MDFIC2: variants seen among roughly 807,000 people sequenced by gnomAD.
MDFIC2 encodes the protein myoD family inhibitor domain-containing protein 2.
chr3:70,221,779 G>C (rs1002684401), intron 2 of MDFIC2, among the ~76,000 whole-genome samples: 1 of 152,100 alleles, frequency 6.6e-6, no homozygotes, highest in Non-Finnish European at 1.5e-5. Flanking sequence ...TGATTATATC[G>C]AGCATCATTG....
intron 2 of MDFIC2, among the ~76,000 whole-genome samples, chr3:70,276,035 A>G (rs1449010568): frequency 6.6e-6 from 1 of 152,152 alleles, no homozygotes; most frequent in Non-Finnish European, 1.5e-5. Flanking sequence ...AGAGCATTTC[A>G]AACTTTAAAA....
intron 2 of MDFIC2, among the ~76,000 whole-genome samples, chr3:70,297,185 G>T (rs1057282975): frequency 1.3e-5 from 2 of 152,096 alleles, no homozygotes; most frequent in Non-Finnish European, 2.9e-5. Context: ...ACTATTGGAT[G>T]ATTTAAATAA....
chr3:70,294,852 G>T (rs1448835878), intron 2 of MDFIC2, among the ~76,000 whole-genome samples: 2 of 152,100 alleles, frequency 1.3e-5, no homozygotes, highest in Non-Finnish European at 2.9e-5. Context: ...GTAGCAATTT[G>T]ATGGTATCCA....
chr3:70,267,161 G>C lies in MDFIC2; in HGVS notation c.88+44725C>G, dbSNP rs997937014. 3.9e-5 allele frequency among the ~76,000 whole-genome samples: 6 copies of C among 152,064 alleles called. No homozygotes were observed. In the East Asian group the frequency reaches 1.2e-3, roughly 29 times the overall value. On this transcript the variant is annotated intron_variant, in intron 2 of 3. Transcript: ENST00000567252. ...GCTTCTATTTTTATAAATTTTCTCTGATTGATTATGTAGGGATTTTATACT... is the reference window on the plus strand; with the variant it reads ...GCTTCTATTTTTATAAATTTTCTCTCATTGATTATGTAGGGATTTTATACT...
At chr3:70,289,307 C>T (rs1345604108) in intron 2 of MDFIC2, among the ~76,000 whole-genome samples, 3 of 151,344 alleles carry the variant, frequency 2.0e-5, no homozygotes, top group South Asian at 2.1e-4. Context: ...TTTATTTCTC[C>T]TTTGCTTATG....
chr3:70,218,344 C>A (rs1701433816), intron 2 of MDFIC2, among the ~76,000 whole-genome samples: 2 of 152,068 alleles, frequency 1.3e-5, no homozygotes. Flanking sequence ...TATATAGATG[C>A]ATATAGGCAT....
Position 70,267,512 on chromosome 3 carries a change from C to G in MDFIC2, c.88+44374G>C, listed in dbSNP as rs574995737. Among the ~76,000 whole-genome samples the G allele has an allele frequency of 1.6e-4, 24 of 148,000 alleles. No homozygotes were observed. The Admixed American group carries it at 1.6e-3, about 10-fold the overall frequency. ...CCGCCTCCTGGGCTCACGCCCTTCT[C>G]CTGCCTCAGCTTCCCGAGTAGCTGG... On this transcript the variant is annotated intron_variant, in intron 2 of 3. Transcript: ENST00000567252.
At chr3:70,233,652 C>G (rs890459089) in intron 2 of MDFIC2, among the ~76,000 whole-genome samples, 1 of 152,160 alleles carries the variant, frequency 6.6e-6, no homozygotes. Context: ...ATCCATGCAT[C>G]CCTCTACTTC....
intron 2 of MDFIC2, among the ~76,000 whole-genome samples, chr3:70,235,299 A>T (rs1214374205): frequency 6.6e-6 from 1 of 152,034 alleles, no homozygotes; most frequent in South Asian, 2.1e-4. Flanking sequence ...TGTACTAGAG[A>T]CTATAAATCC....
At chr3:70,218,756 GA>G (rs200153359) in intron 2 of MDFIC2, among the ~76,000 whole-genome samples, 56 of 151,640 alleles carry the variant, frequency 3.7e-4, no homozygotes, top group African/African-American at 1.3e-3. Flanking sequence ...ACAATAAATA[GA>G]AAAAAAAATT....
intron 2 of MDFIC2, among the ~76,000 whole-genome samples, chr3:70,297,968 C>T (rs1259209524): frequency 6.6e-6 from 1 of 151,836 alleles, no homozygotes; most frequent in Non-Finnish European, 1.5e-5. Flanking sequence ...ATTCCTGCTA[C>T]TTAAATAATC....
intron 2 of MDFIC2, among the ~76,000 whole-genome samples, chr3:70,289,893 C>T (rs1470401800): frequency 6.6e-6 from 1 of 151,932 alleles, no homozygotes; most frequent in Non-Finnish European, 1.5e-5. Flanking sequence ...GTTCTCGAGC[C>T]TTGGTTTTCA....
intron 2 of MDFIC2, among the ~76,000 whole-genome samples, chr3:70,257,390 T>C (rs904868340): frequency 1.3e-5 from 2 of 152,150 alleles, no homozygotes; most frequent in African/African-American, 4.8e-5. Context: ...TCATTTCTTT[T>C]GCAGAGAACC....
chr3:70,221,781 G>A (rs1191366956), intron 2 of MDFIC2, among the ~76,000 whole-genome samples: 1 of 152,130 alleles, frequency 6.6e-6, no homozygotes, highest in Admixed American at 6.5e-5. Flanking sequence ...ATTATATCGA[G>A]CATCATTGTT....
intron 2 of MDFIC2, among the ~76,000 whole-genome samples, chr3:70,289,186 A>C (rs1445138046): frequency 2.0e-5 from 3 of 149,978 alleles, no homozygotes; most frequent in African/African-American, 7.3e-5. Context: ...ATGATTTTGC[A>C]GCGGCTGGTA....
Position 70,206,622 on chromosome 3 carries a change from G to A in MDFIC2, c.257C>T (p.Thr86Ile), listed in dbSNP as rs747812317. 74 of 397,836 alleles carry A rather than the reference G, an allele frequency of 1.9e-4. 1 individual carries two copies. The Middle Eastern group carries it at 2.5e-3, about 14-fold the overall frequency. 24.6% of individuals were successfully genotyped at this position (397,836 alleles called of 1,614,324 possible). A position where few individuals can be genotyped will look rare whatever the true frequency, so the allele number is the denominator to read the frequency against. Reference protein sequence around the residue: ...TSLSSLEECQTTFSYLQTDTS... With the variant: ...TSLSSLEECQITFSYLQTDTS... ...ATCAGTTTGGAGGTAAGAAAATGTTGTTTGGCATTCTTCAAGGGAGGACAG... is the reference window on the plus strand; with the variant it reads ...ATCAGTTTGGAGGTAAGAAAATGTTATTTGGCATTCTTCAAGGGAGGACAG... Residue 86 changes from threonine (T) to isoleucine (I), a missense_variant, in exon 3 of 4, where the codon ACA (threonine) becomes ATA (isoleucine). By Grantham distance (89) the Thr-to-Ile change is moderately conservative. Coordinates refer to ENST00000567252, the MANE Select transcript of MDFIC2 (RefSeq NM_001364677.1).
intron 2 of MDFIC2, among the ~76,000 whole-genome samples, chr3:70,259,749 A>T (rs4611783): frequency 0.094 from 14,302 of 152,248 alleles, 927 homozygotes; most frequent in East Asian, 0.23. Flanking sequence ...TTGTTGTATT[A>T]GTCTGTTTTC....
intron 2 of MDFIC2, among the ~76,000 whole-genome samples, chr3:70,208,256 G>C (rs1411879686): frequency 6.6e-6 from 1 of 152,152 alleles, no homozygotes; most frequent in South Asian, 2.1e-4. Flanking sequence ...CGCAATGCCT[G>C]GTTGGTTCAA....
intron 2 of MDFIC2, among the ~76,000 whole-genome samples, chr3:70,227,120 G>GT (rs951229781): frequency 1.4e-4 from 21 of 152,234 alleles, no homozygotes; most frequent in African/African-American, 5.1e-4. Flanking sequence ...TAACTCCTGT[G>GT]TAAGATACTT....
Sources: allele counts gnomAD v4.1 joint callset (sites outside exome capture counted in the v4.1 genomes callset), GRCh38; gene constraint gnomAD v4.1.1; transcripts MANE v1.5; gene names NCBI Gene and HGNC (gene_info 2026-07-23, HGNC 2026-07-21).